The following CAMKMT variants were observed in gnomAD, a reference collection of about 807,000 sequenced individuals.
CAMKMT encodes the protein CaM KMT.
In CAMKMT, 53 loss-of-function variants were observed where a neutral mutation model predicts 48.0. The observed-to-expected ratio is 1.10, with a 90% CI of 0.89 to 1.39. The LOEUF (loss-of-function observed/expected upper bound fraction) is 1.39. Among genes scored for constraint, CAMKMT ranks in the 40% most tolerant of loss-of-function variants. The pLI, the probability that CAMKMT is intolerant of heterozygous loss-of-function variation, is 0.00. For missense variants in CAMKMT, 428 were observed against 402.7 expected (o/e 1.06, Z -0.54); for synonymous variants, 165 against 152.3 (o/e 1.08, Z -0.61).
chr2:44,589,028 G>A lies in CAMKMT; in HGVS notation c.377-115255G>A, dbSNP rs1320469065. ...AGGTGGGGGGGTCAGCCCCCCGCCC[G>A]GCCGGCCGCCCCATCCGGGAGGTGA... is the stretch of plus-strand genomic sequence containing the variant. On this transcript the variant is annotated intron_variant, in intron 3 of 10. Coordinates refer to ENST00000378494, the MANE Select transcript of CAMKMT (RefSeq NM_024766.5). Among the ~76,000 whole-genome samples the A allele has an allele frequency of 9.2e-4, 12 of 13,016 alleles. 2 individuals are homozygous for A. Among genetic ancestry groups the A allele is most frequent in the Admixed American group, 2.9e-3 (3 of 1,038 alleles). The allele number at this position is 13,016 out of a possible 152,430, so 8.5% of individuals were successfully genotyped here. A position where few individuals can be genotyped will look rare whatever the true frequency, so the allele number is the denominator to read the frequency against.
At chr2:44,486,894 G>C (rs1669243738) in intron 3 of CAMKMT, among the ~76,000 whole-genome samples, 1 of 152,200 alleles carries the variant, frequency 6.6e-6, no homozygotes, top group Non-Finnish European at 1.5e-5. Flanking sequence ...ATTGTGCCCA[G>C]TACTGAATAA....
intron 3 of CAMKMT, among the ~76,000 whole-genome samples, chr2:44,464,456 A>G (rs887426003): frequency 1.3e-5 from 2 of 152,220 alleles, no homozygotes; most frequent in Non-Finnish European, 2.9e-5. Context: ...CCAAAATCTG[A>G]GGAAGAAAAT....
intron 3 of CAMKMT, among the ~76,000 whole-genome samples, chr2:44,406,637 C>G (rs978720081): frequency 6.6e-6 from 1 of 152,150 alleles, no homozygotes; most frequent in African/African-American, 2.4e-5. Flanking sequence ...CACTCTGTTG[C>G]CCAGGCTGGA....
At chr2:44,743,383 C>G (rs533447318) in intron 7 of CAMKMT, among the ~76,000 whole-genome samples, 167 of 152,136 alleles carry the variant, frequency 1.1e-3, no homozygotes, top group African/African-American at 3.8e-3. Flanking sequence ...CTACAAAAAC[C>G]TATAAAAACT....
chr2:44,500,631 A>G (rs1014192815), intron 3 of CAMKMT, among the ~76,000 whole-genome samples: 3 of 151,256 alleles, frequency 2.0e-5, no homozygotes, highest in African/African-American at 4.9e-5. Context: ...GTTTTGTCAC[A>G]TATTAGTTGA....
intron 3 of CAMKMT, among the ~76,000 whole-genome samples, chr2:44,469,505 ATCCATTAC>A (rs1171275106): frequency 6.6e-6 from 1 of 151,006 alleles, no homozygotes; most frequent in Non-Finnish European, 1.5e-5. Flanking sequence ...ATTTGTTGTA[ATCCATTAC>A]TTTTCTTTTT....
chr2:44,599,907 T>G (rs1388436784), intron 3 of CAMKMT, among the ~76,000 whole-genome samples: 3 of 152,040 alleles, frequency 2.0e-5, no homozygotes, highest in African/African-American at 7.3e-5. Context: ...GTGGGAATTT[T>G]TATGAATTTT....
intron 3 of CAMKMT, among the ~76,000 whole-genome samples, chr2:44,490,548 T>C (rs1293921623): frequency 6.6e-6 from 1 of 152,194 alleles, no homozygotes; most frequent in Admixed American, 6.5e-5. Flanking sequence ...GTGCTGGGAT[T>C]ACAGGCATGA....
chr2:44,576,327 T>TAAAAAAA (rs569571059), intron 3 of CAMKMT, among the ~76,000 whole-genome samples: 2 of 76,696 alleles, frequency 2.6e-5, no homozygotes, highest in African/African-American at 9.0e-5. Context: ...AAACTCTGTC[T>TAAAAAAA]AAAAAAAAAA....
At chr2:44,395,897 A>G (rs1681793886) in intron 3 of CAMKMT, among the ~76,000 whole-genome samples, 1 of 152,160 alleles carries the variant, frequency 6.6e-6, no homozygotes, top group Non-Finnish European at 1.5e-5. Flanking sequence ...AAGCTACACA[A>G]TTAAAATAGT....
intron 3 of CAMKMT, among the ~76,000 whole-genome samples, chr2:44,396,057 C>T (rs545752705): frequency 2.6e-5 from 4 of 151,962 alleles, no homozygotes; most frequent in Non-Finnish European, 4.4e-5. Context: ...GTATTGGGAC[C>T]ATTGCCTAGG....
intron 3 of CAMKMT, among the ~76,000 whole-genome samples, chr2:44,514,677 C>T (rs984896982): frequency 5.3e-5 from 8 of 152,160 alleles, no homozygotes; most frequent in Non-Finnish European, 1.0e-4. Context: ...GCTCTGTTTC[C>T]AGCTCCTAGA....
chr2:44,444,329 T>C (rs970472882), intron 3 of CAMKMT, among the ~76,000 whole-genome samples: 5 of 152,236 alleles, frequency 3.3e-5, no homozygotes, highest in African/African-American at 1.2e-4. Context: ...GACAGTATTA[T>C]AAGCTGTCAA....
chr2:44,625,358 G>T (rs1572943867), intron 3 of CAMKMT, among the ~76,000 whole-genome samples: 1 of 151,838 alleles, frequency 6.6e-6, no homozygotes, highest in Non-Finnish European at 1.5e-5. Context: ...TTATTAAATT[G>T]CAATAATTCT....
Position 44,589,485 on chromosome 2 carries a change from C to T in CAMKMT, c.377-114798C>T, listed in dbSNP as rs1327587680. 7.0e-5 allele frequency among the ~76,000 whole-genome samples: 4 copies of T among 57,042 alleles called. 1 individual carries two copies. The East Asian group carries it at 8.5e-4, about 12-fold the overall frequency. The allele number at this position is 57,042 out of a possible 152,430, so 37.4% of individuals were successfully genotyped here. On this transcript the variant is annotated intron_variant, in intron 3 of 10. Transcript: ENST00000378494. ...AAAAATTGAGAAATCGGATGGTTGCCGGGTCTGTGTGGATAGAAGTAGACA... is the reference window on the plus strand; with the variant it reads ...AAAAATTGAGAAATCGGATGGTTGCTGGGTCTGTGTGGATAGAAGTAGACA...
intron 3 of CAMKMT, among the ~76,000 whole-genome samples, chr2:44,694,713 T>C (rs1225538680): frequency 6.6e-6 from 1 of 152,268 alleles, no homozygotes; most frequent in Non-Finnish European, 1.5e-5. Context: ...GCTATAGGCT[T>C]TCTAAAGTCT....
At chr2:44,694,487 T>C (rs1676829722) in intron 3 of CAMKMT, among the ~76,000 whole-genome samples, 1 of 152,094 alleles carries the variant, frequency 6.6e-6, no homozygotes, top group Non-Finnish European at 1.5e-5. Flanking sequence ...CACCTAAGCC[T>C]AGGAAGTCAA....
intron 2 of CAMKMT, among the ~76,000 whole-genome samples, chr2:44,383,586 C>T (rs909233509): frequency 1.3e-5 from 2 of 152,102 alleles, no homozygotes; most frequent in African/African-American, 4.8e-5. Flanking sequence ...CACCCATCAG[C>T]TGAGCAGTAT....
At chr2:44,667,793 C>T (rs923745339) in intron 3 of CAMKMT, among the ~76,000 whole-genome samples, 1 of 152,160 alleles carries the variant, frequency 6.6e-6, no homozygotes, top group Non-Finnish European at 1.5e-5. Flanking sequence ...TAGCTCCACT[C>T]CAACAGTGTT....
Sources: gnomAD v4.1 joint callset for allele counts (sites outside exome capture counted in the v4.1 genomes callset) on GRCh38, gnomAD v4.1.1 for gene constraint, MANE v1.5 for transcripts, NCBI Gene and HGNC (gene_info 2026-07-23, HGNC 2026-07-21) for gene names.